The following WDPCP variants were observed in gnomAD, a reference collection of about 807,000 sequenced individuals.
WDPCP encodes WD repeat containing planar cell polarity effector.
In WDPCP, 71 loss-of-function variants were observed where a neutral mutation model predicts 93.1. The ratio of observed to expected loss-of-function variants is 0.76; its 90% CI spans 0.63 to 0.93. The LOEUF is 0.93. Ranked by LOEUF, WDPCP falls within the 40% of genes least tolerant of loss-of-function variation. WDPCP has a pLI of 0.00. For synonymous variants in WDPCP, 315 were observed against 315.0 expected, an observed-to-expected ratio of 1.00 and a Z score of 0.00; for missense variants, 844 against 887.4, an observed-to-expected ratio of 0.95 and a Z score of 0.62.
intron 12 of WDPCP, among the ~76,000 whole-genome samples, chr2:63,344,978 AC>A: frequency 6.6e-6 from 1 of 152,150 alleles, no homozygotes; most frequent in Non-Finnish European, 1.5e-5. Context: ...TTAAGCACTC[AC>A]CTGATTGCTC....
chr2:63,526,040 T>C (rs895119955), intron 1 of WDPCP, among the ~76,000 whole-genome samples: 1 of 150,974 alleles, frequency 6.6e-6, no homozygotes, highest in African/African-American at 2.4e-5. Context: ...AATACTTCTG[T>C]TGTTGCTGTT....
intron 3 of WDPCP, among the ~76,000 whole-genome samples, chr2:63,628,007 G>A (rs536670164): frequency 6.6e-6 from 1 of 152,244 alleles, no homozygotes; most frequent in South Asian, 2.1e-4. Context: ...ACACCCTCTG[G>A]GGCTTTAGGG....
At chr2:63,155,998 T>G (rs1276463300) in intron 15 of WDPCP, among the ~76,000 whole-genome samples, 1 of 152,068 alleles carries the variant, frequency 6.6e-6, no homozygotes, top group Non-Finnish European at 1.5e-5. Flanking sequence ...ACACGTCTAT[T>G]TATTTGTTTA....
chr2:63,693,398 G>A (rs1200548688), intron 2 of WDPCP, among the ~76,000 whole-genome samples: 2 of 151,680 alleles, frequency 1.3e-5, no homozygotes, highest in African/African-American at 4.8e-5. Context: ...ATATAACCAA[G>A]CAAAAGAAAA....
chr2:63,338,051 T>A (rs1439995418), intron 12 of WDPCP, among the ~76,000 whole-genome samples: 1 of 152,180 alleles, frequency 6.6e-6, no homozygotes, highest in East Asian at 1.9e-4. Flanking sequence ...GCTTTTGAGG[T>A]CTTACACAAA....
rs184529296 is a variant in WDPCP, at chr2:63,245,445, T to C, written c.1915+13862A>G. Reference sequence around the variant, plus strand: ...TTTGAGAAAAGGACAGTGGTGTAACTGTAAAACATCTTGGAGAGCAGAAGG... The same window carrying C: ...TTTGAGAAAAGGACAGTGGTGTAACCGTAAAACATCTTGGAGAGCAGAAGG... On this transcript the variant is annotated intron_variant, in intron 14 of 17. Coordinates refer to ENST00000272321, the MANE Select transcript of WDPCP (RefSeq NM_015910.7). 2.2e-3 allele frequency among the ~76,000 whole-genome samples: 330 copies of C among 152,300 alleles called. 2 individuals carry two copies. The highest frequency in any genetic ancestry group is 3.1e-4 in the Non-Finnish European group (21 of 68,028).
chr2:63,576,157 T>C (rs1004725915), intron 1 of WDPCP, among the ~76,000 whole-genome samples: 3 of 152,158 alleles, frequency 2.0e-5, no homozygotes, highest in Non-Finnish European at 4.4e-5. Context: ...TGTCCTATAA[T>C]TTAAGTCAAT....
intron 6 of WDPCP, among the ~76,000 whole-genome samples, chr2:63,448,609 C>T (rs1698021532): frequency 6.6e-6 from 1 of 151,994 alleles, no homozygotes; most frequent in South Asian, 2.1e-4. Context: ...TATGAAACCC[C>T]AAAATCTTTG....
intron 1 of WDPCP, among the ~76,000 whole-genome samples, chr2:63,824,880 C>T (rs563208433): frequency 6.6e-6 from 1 of 151,892 alleles, no homozygotes; most frequent in South Asian, 2.1e-4. Flanking sequence ...GTCTTAGACA[C>T]AATGGTGAAC....
At chr2:63,731,164 G>A (rs186739519) in intron 2 of WDPCP, among the ~76,000 whole-genome samples, 1 of 151,904 alleles carries the variant, frequency 6.6e-6, no homozygotes, top group Non-Finnish European at 1.5e-5. Flanking sequence ...AGCTACTTGG[G>A]AGGCTGAGGC....
At chr2:63,391,798 GAAGAA>G (rs1370496278) in intron 10 of WDPCP, among the ~76,000 whole-genome samples, 2 of 152,116 alleles carry the variant, frequency 1.3e-5, no homozygotes, top group African/African-American at 4.8e-5. Context: ...GCTACAAAGA[GAAGAA>G]AATATCTAGG....
intron 1 of WDPCP, among the ~76,000 whole-genome samples, chr2:63,496,893 CTT>C (rs1701251644): frequency 6.6e-6 from 1 of 152,044 alleles, no homozygotes; most frequent in Admixed American, 6.5e-5. Flanking sequence ...AGGCGGATCA[CTT>C]GAGACCAAGA....
intron 1 of WDPCP, among the ~76,000 whole-genome samples, chr2:63,504,324 TTGTGTG>T (rs60202196): frequency 0.022 from 3,041 of 138,082 alleles, 44 homozygotes; most frequent in African/African-American, 0.039. Flanking sequence ...ACGTACTAAA[TTGTGTG>T]TGTGTGTGTG....
intron 2 of WDPCP, among the ~76,000 whole-genome samples, chr2:63,700,382 T>A (rs1378170190): frequency 6.7e-6 from 1 of 148,922 alleles, no homozygotes; most frequent in African/African-American, 2.5e-5. Flanking sequence ...GAAGTGGTAG[T>A]GGGAATGGAA....
intron 1 of WDPCP, among the ~76,000 whole-genome samples, chr2:63,548,461 GA>G (rs963072609): frequency 3.3e-4 from 49 of 147,180 alleles, no homozygotes; most frequent in African/African-American, 8.0e-4. Flanking sequence ...ATGGCAATCA[GA>G]AAAAAAAAAT....
chr2:63,674,179 T>C (rs906940460), intron 2 of WDPCP, among the ~76,000 whole-genome samples: 1 of 152,246 alleles, frequency 6.6e-6, no homozygotes, highest in Admixed American at 6.5e-5. Flanking sequence ...AACAATGCGA[T>C]TGATTTTACG....
At chr2:63,458,122 C>CA (rs1225404392) in intron 6 of WDPCP, among the ~76,000 whole-genome samples, 1,238 of 55,820 alleles carry the variant, frequency 0.022, 21 homozygotes, top group African/African-American at 0.066. Context: ...GACTCCGTCT[C>CA]AAAAAAAAAA....
intron 14 of WDPCP, among the ~76,000 whole-genome samples, chr2:63,205,253 T>C (rs1676251976): frequency 6.6e-6 from 1 of 152,196 alleles, no homozygotes; most frequent in South Asian, 2.1e-4. Flanking sequence ...AGCTCTGTAG[T>C]ATAATTTTAA....
the WDPCP span, among the ~76,000 whole-genome samples, chr2:63,840,765 T>C: frequency 6.6e-6 from 1 of 152,224 alleles, no homozygotes; most frequent in Non-Finnish European, 1.5e-5. Context: ...CTGGCGAGGC[T>C]TCCCTGGCCG....
Sources: allele counts gnomAD v4.1 joint callset (sites outside exome capture counted in the v4.1 genomes callset), GRCh38; gene constraint gnomAD v4.1.1; transcripts MANE v1.5; gene names NCBI Gene and HGNC (gene_info 2026-07-23, HGNC 2026-07-21).